The following ARHGEF18 variants were observed in gnomAD, a reference collection of about 807,000 sequenced individuals.
ARHGEF18 encodes the protein Rho/Rac guanine nucleotide exchange factor 18.
In ARHGEF18, 93 loss-of-function variants were observed where a neutral mutation model predicts 155.7. The ratio of observed to expected loss-of-function variants is 0.60; its 90% confidence interval spans 0.50 to 0.71. The LOEUF is 0.71. ARHGEF18 is among the 30% of genes least tolerant of loss of function. ARHGEF18 has a pLI of 0.00. For synonymous variants in ARHGEF18, 742 were observed against 753.1 expected (o/e 0.99, Z 0.24); for missense variants, 1,593 against 1,816.1 (o/e 0.88, Z 2.23).
Position 7,462,464 on chromosome 19 carries a change from G to A in ARHGEF18, c.2635+130G>A. On this transcript the variant is annotated intron_variant, in intron 21 of 28. Coordinates refer to ENST00000668164, the MANE Select transcript of ARHGEF18 (RefSeq NM_001367823.1). This position sits in a 1 kb window ranked among gnomAD's most constrained non-coding sequence, Gnocchi z 4.4. The stretch of plus-strand genomic sequence containing the variant: ...TCCAGGACAGGCTTCTATGTGGGGG[G>A]GGCCCAGGAGCAGCACTGACCGCCC... 2.6e-6 allele frequency: 3 copies of A among 1,144,902 alleles called. No homozygotes were observed. The highest frequency in any genetic ancestry group is 3.6e-6 in the Non-Finnish European group (3 of 837,048). 70.9% of individuals were successfully genotyped at this position (1,144,902 alleles called of 1,614,324 possible). A position where few individuals can be genotyped will look rare whatever the true frequency, so the allele number is the denominator to read the frequency against.
At position 7,355,563 on chromosome 19, in the gene ARHGEF18, C is replaced by G. The variant is rs1325801681; in HGVS notation, c.-111+6322C>G. On this transcript the variant is annotated intron_variant, in intron 1 of 28. Coordinates refer to ENST00000668164, the MANE Select transcript of ARHGEF18 (RefSeq NM_001367823.1). ...CAGTCTCCGCCCCTCTTACTGGCAG[C>G]CCCATCCTGGCAGGGATTCCCAGGC... 7.3e-6 allele frequency: 7 copies of G among 956,870 alleles called. No individual in the cohort carries two copies. The East Asian group carries it at 8.1e-4, about 111-fold the overall frequency. 59.3% of individuals were successfully genotyped at this position (956,870 alleles called of 1,614,324 possible).
At chr19:7,378,796 G>A (rs1295572711) in intron 6 of ARHGEF18, among the ~76,000 whole-genome samples, 2 of 147,132 alleles carry the variant, frequency 1.4e-5, no homozygotes, top group African/African-American at 5.0e-5. Context: ...GGGTTCAAGT[G>A]ATTCTCCTGC....
chr19:7,388,360 C>G (rs998596398), intron 10 of ARHGEF18, among the ~76,000 whole-genome samples: 1 of 151,784 alleles, frequency 6.6e-6, no homozygotes, highest in African/African-American at 2.4e-5. Flanking sequence ...TCCCAAAGTG[C>G]TGGGATTACT....
At chr19:7,423,395 A>G (rs1369427314) in intron 10 of ARHGEF18, among the ~76,000 whole-genome samples, 1 of 152,046 alleles carries the variant, frequency 6.6e-6, no homozygotes, top group African/African-American at 2.4e-5. Context: ...AAACAATCTC[A>G]GGGGAGCCTG....
Position 7,380,914 on chromosome 19 carries a change from C to T in ARHGEF18, c.645-3C>T. On this transcript the variant is annotated splice_region_variant and splice_polypyrimidine_tract_variant and intron_variant, in intron 7 of 28. Transcript: ENST00000668164. ...CAGGTATCTGTCCCCTCTGATCCTG[C>T]AGGGCCCGGCAGAGGGCTTGCATGT... 9 of 1,232,038 alleles carry T rather than the reference C, an allele frequency of 7.3e-6. No homozygotes were observed. The highest frequency in any genetic ancestry group is 8.2e-5 in the South Asian group (2 of 24,318). The allele number at this position is 1,232,038 out of a possible 1,614,324, so 76.3% of individuals were successfully genotyped here.
rs965666634 is a variant in ARHGEF18 at position 7,466,804 on chromosome 19, CAAAAAA to C, written c.2905-97_2905-92del. On this transcript the variant is annotated intron_variant, in intron 23 of 28. Transcript: ENST00000668164. ...GGGCAACAAGAGCAGAATTCCGTCT[CAAAAAA>C]AAAAAAAAAAAAAAAAGTTAAAAAA... 4.1e-4 allele frequency: 205 copies of C among 495,852 alleles called. 1 individual carries two copies. Among genetic ancestry groups the C allele is most frequent in the African/African-American group, 1.8e-3 (41 of 23,326 alleles). 30.7% of individuals were successfully genotyped at this position (495,852 alleles called of 1,614,324 possible).
At chr19:7,407,474 G>C (rs1972387648) in intron 10 of ARHGEF18, among the ~76,000 whole-genome samples, 2 of 151,554 alleles carry the variant, frequency 1.3e-5, no homozygotes. Context: ...TTTGTGGCCT[G>C]TTTGCTCCCA....
At chr19:7,409,343 A>AC (rs1350676335) in intron 10 of ARHGEF18, among the ~76,000 whole-genome samples, 1 of 150,908 alleles carries the variant, frequency 6.6e-6, no homozygotes, top group Non-Finnish European at 1.5e-5. Context: ...AAAAAAAAAA[A>AC]AAAAGACTTA....
intron 2 of ARHGEF18, among the ~76,000 whole-genome samples, chr19:7,370,143 G>A (rs1970134062): frequency 2.0e-5 from 3 of 151,648 alleles, no homozygotes. Flanking sequence ...GTTGCAGTGA[G>A]CCGAGATGGT....
At chr19:7,451,577 AT>A (rs1052166833) in intron 16 of ARHGEF18, among the ~76,000 whole-genome samples, 1 of 150,712 alleles carries the variant, frequency 6.6e-6, no homozygotes, top group Non-Finnish European at 1.5e-5. Flanking sequence ...CACACAGTTA[AT>A]TTTTTTTAAT....
Position 7,419,319 on chromosome 19 carries a change from A to G in ARHGEF18, c.968-21025A>G, listed in dbSNP as rs189363042. On this transcript the variant is annotated intron_variant, in intron 10 of 28. Coordinates refer to ENST00000668164, the MANE Select transcript of ARHGEF18 (RefSeq NM_001367823.1). ...CTGGGTGTGCCCACACTTGGCCCCC[A>G]CACCCGGGTGTGCCCACACTTGGCC... Among the ~76,000 whole-genome samples the G allele has an allele frequency of 1.6e-3, 167 of 103,538 alleles. 5 individuals are homozygous for G. Among genetic ancestry groups the G allele is most frequent in the African/African-American group, 7.1e-3 (130 of 18,266 alleles). 67.9% of individuals were successfully genotyped at this position (103,538 alleles called of 152,430 possible). A position where few individuals can be genotyped will look rare whatever the true frequency, so the allele number is the denominator to read the frequency against.
chr19:7,427,646 A>T (rs1412576376), intron 10 of ARHGEF18, among the ~76,000 whole-genome samples: 1 of 129,738 alleles, frequency 7.7e-6, no homozygotes, highest in Non-Finnish European at 1.6e-5. Context: ...CCCTGTCTCT[A>T]AAAAAAAAAA....
chr19:7,380,274 C>G (rs59500281), intron 7 of ARHGEF18, among the ~76,000 whole-genome samples: 3 of 151,562 alleles, frequency 2.0e-5, no homozygotes, highest in East Asian at 1.9e-4. Context: ...GTCAGGAGAT[C>G]GAGACCATCC....
At chr19:7,452,300 G>A (rs949456466) in intron 16 of ARHGEF18, among the ~76,000 whole-genome samples, 1 of 152,148 alleles carries the variant, frequency 6.6e-6, no homozygotes, top group African/African-American at 2.4e-5. Flanking sequence ...GTCCAGCCAG[G>A]AGTTCTGGCA....
At chr19:7,474,150 C>T (rs1221451679), downstream of ARHGEF18, among the ~76,000 whole-genome samples, 1 of 151,870 alleles carries the variant, frequency 6.6e-6, no homozygotes, top group Non-Finnish European at 1.5e-5. Context: ...ACCAGCCTGG[C>T]CAACATGTTG....
intron 10 of ARHGEF18, among the ~76,000 whole-genome samples, chr19:7,399,097 C>T (rs1971887441): frequency 6.6e-6 from 1 of 152,196 alleles, no homozygotes; most frequent in Non-Finnish European, 1.5e-5. Flanking sequence ...GAAGTCCAGC[C>T]AATCGCTGTT....
At chr19:7,365,441 A>C (rs1367374875) in intron 2 of ARHGEF18, among the ~76,000 whole-genome samples, 2 of 152,180 alleles carry the variant, frequency 1.3e-5, no homozygotes, top group Non-Finnish European at 2.9e-5. Context: ...AGATGCAAGC[A>C]GTGAAGGAAT....
chr19:7,441,223 A>G (rs1452642669), intron 11 of ARHGEF18, among the ~76,000 whole-genome samples: 2 of 121,818 alleles, frequency 1.6e-5, no homozygotes, highest in South Asian at 2.6e-4. Flanking sequence ...TCTGTCGCCC[A>G]GGCTGGAGTT....
intron 1 of ARHGEF18, among the ~76,000 whole-genome samples, chr19:7,361,520 C>G (rs1277537567): frequency 6.6e-6 from 1 of 152,128 alleles, no homozygotes; most frequent in African/African-American, 2.4e-5. Context: ...TCCTAGGTAA[C>G]GACCCAAGAC....
Sources: gnomAD v4.1 joint callset for allele counts (sites outside exome capture counted in the v4.1 genomes callset) on GRCh38, gnomAD v4.1.1 for gene constraint, Gnocchi (gnomAD v3.1) non-coding constraint, MANE v1.5 for transcripts, NCBI Gene and HGNC (gene_info 2026-07-23, HGNC 2026-07-21) for gene names.